DOCK1: variants seen among roughly 807,000 people sequenced by gnomAD.
DOCK1 encodes dedicator of cytokinesis protein 1.
A neutral mutation model predicts 262.7 loss-of-function variants in DOCK1; 138 were observed. The ratio of observed to expected loss-of-function variants is 0.53; its 90% CI spans 0.46 to 0.61. The LOEUF (loss-of-function observed/expected upper bound fraction) is 0.61, where lower values mean the gene tolerates loss of function less well. Among genes scored for constraint, DOCK1 ranks in the 20% least tolerant of loss-of-function variants. The pLI is 0.00. For synonymous variants in DOCK1, 866 were observed against 867.4 expected (o/e 1.00, Z 0.03); for missense variants, 1,908 against 2,370.7 (o/e 0.80, Z 4.05).
intron 18 of DOCK1, among the ~76,000 whole-genome samples, chr10:127,032,713 T>A (rs1378802768): frequency 6.6e-6 from 1 of 152,050 alleles, no homozygotes; most frequent in Non-Finnish European, 1.5e-5. Flanking sequence ...AGCATCACGC[T>A]TGGCTAATTT....
Position 127,137,073 on chromosome 10 carries a change from G to C in DOCK1, c.2847+9309G>C, listed in dbSNP as rs553638647. On this transcript the variant is annotated intron_variant, in intron 27 of 51. Coordinates refer to ENST00000623213, the MANE Select transcript of DOCK1 (RefSeq NM_001290223.2). ...TAAAAATGAGATCTAAGAAAACTTA[G>C]TGTCCAATAGCTCTGACCCTGTCTA... 7.2e-5 allele frequency: 11 copies of C among 152,732 alleles called. No homozygotes were observed. In the South Asian group the frequency reaches 2.3e-3, roughly 32 times the overall value. 9.5% of individuals were successfully genotyped at this position (152,732 alleles called of 1,614,324 possible).
chr10:127,361,977 A>T, intron 32 of DOCK1, 87 bp from the exon 33 acceptor site: 2 of 1,362,954 alleles, frequency 1.5e-6, no homozygotes, highest in Admixed American at 5.6e-5. Context: ...AGTCACAGTG[A>T]TCTGTGTTGT....
chr10:126,985,992 G>A (rs1026492845), intron 4 of DOCK1, among the ~76,000 whole-genome samples: 3 of 152,046 alleles, frequency 2.0e-5, no homozygotes, highest in African/African-American at 4.8e-5. Flanking sequence ...TTACAGGCCC[G>A]CACCACCATG....
intron 1 of DOCK1, among the ~76,000 whole-genome samples, chr10:126,963,628 C>CCCCTCCCCT (rs2037421441): frequency 1.6e-5 from 1 of 62,568 alleles, no homozygotes; most frequent in Non-Finnish European, 2.6e-5. Context: ...CCCTTCCCTT[C>CCCCTCCCCT]CCTTCCCTTC....
At chr10:126,908,229 G>A (rs1341806864) in intron 1 of DOCK1, among the ~76,000 whole-genome samples, 1 of 152,238 alleles carries the variant, frequency 6.6e-6, no homozygotes, top group Admixed American at 6.5e-5. Flanking sequence ...TTCTCACGAA[G>A]GATGCTGACT....
intron 10 of DOCK1, among the ~76,000 whole-genome samples, chr10:127,003,583 A>G (rs1443151651): frequency 6.6e-6 from 1 of 152,134 alleles, no homozygotes; most frequent in Non-Finnish European, 1.5e-5. Flanking sequence ...CCAAGCACTG[A>G]GCACTGAGCC....
intron 47 of DOCK1, among the ~76,000 whole-genome samples, chr10:127,426,295 C>A (rs2068811010): frequency 1.3e-5 from 2 of 152,182 alleles, no homozygotes; most frequent in South Asian, 4.1e-4. Flanking sequence ...CTTATTGTTG[C>A]AGAGCAATGG....
At chr10:126,929,788 C>T (rs2034046765) in intron 1 of DOCK1, among the ~76,000 whole-genome samples, 1 of 152,070 alleles carries the variant, frequency 6.6e-6, no homozygotes, top group South Asian at 2.1e-4. Context: ...GAATCAGTTG[C>T]ATGATTTAAA....
chr10:127,122,580 T>C (rs73378462), intron 25 of DOCK1, among the ~76,000 whole-genome samples: 10,272 of 151,964 alleles, frequency 0.068, 702 homozygotes, highest in African/African-American at 0.18. Context: ...GGCTGGGTCA[T>C]GAAGGCTGAG....
intron 30 of DOCK1, among the ~76,000 whole-genome samples, chr10:127,342,445 C>T (rs755185116): frequency 2.6e-5 from 4 of 152,282 alleles, no homozygotes; most frequent in South Asian, 2.1e-4. Flanking sequence ...GGGCTGGTCT[C>T]TAAATCTCAG....
chr10:127,396,977 A>G (rs1590880390), intron 38 of DOCK1, among the ~76,000 whole-genome samples: 1 of 105,922 alleles, frequency 9.4e-6, no homozygotes, highest in East Asian at 2.6e-4. Flanking sequence ...GTCTCCTGTG[A>G]TCTGAGCATC....
chr10:127,430,255 C>A (rs111549077), intron 47 of DOCK1, among the ~76,000 whole-genome samples: 4 of 152,340 alleles, frequency 2.6e-5, no homozygotes, highest in African/African-American at 4.8e-5. Flanking sequence ...CTCTCGCCCT[C>A]CCTCCACAGC....
At chr10:127,297,085 G>C (rs1014195099) in intron 29 of DOCK1, among the ~76,000 whole-genome samples, 1 of 152,208 alleles carries the variant, frequency 6.6e-6, no homozygotes, top group African/African-American at 2.4e-5. Flanking sequence ...GAGGAGGGGT[G>C]GGAGTGAGGG....
At chr10:127,172,887 A>G (rs1431385833) in intron 27 of DOCK1, among the ~76,000 whole-genome samples, 1 of 152,182 alleles carries the variant, frequency 6.6e-6, no homozygotes. Flanking sequence ...CCGTAGCTGC[A>G]CTGTCTTATG....
At chr10:127,018,628 C>A in intron 12 of DOCK1, 82 bp from the exon 13 acceptor site, 1 of 1,589,444 alleles carries the variant, frequency 6.3e-7, no homozygotes, top group South Asian at 1.1e-5. Context: ...AAAAGTCTCT[C>A]ATTCATTGAA....
At chr10:127,075,383 C>T (rs759500813) in intron 23 of DOCK1, among the ~76,000 whole-genome samples, 4 of 151,892 alleles carry the variant, frequency 2.6e-5, no homozygotes, top group African/African-American at 4.8e-5. Flanking sequence ...GTGACCCTTC[C>T]GCCTCAGCTT....
intron 50 of DOCK1, among the ~76,000 whole-genome samples, chr10:127,445,305 C>T (rs1001484337): frequency 1.3e-5 from 2 of 152,102 alleles, no homozygotes; most frequent in African/African-American, 4.8e-5. Context: ...TGCCCTGTGG[C>T]GAGGGCTGTG....
At chr10:127,429,030 G>A (rs1157611516) in intron 47 of DOCK1, among the ~76,000 whole-genome samples, 1 of 148,450 alleles carries the variant, frequency 6.7e-6, no homozygotes, top group Non-Finnish European at 1.5e-5. Flanking sequence ...GTGCCGTGTG[G>A]ATTGGGGTGT....
At position 127,089,714 on chromosome 10, in the gene DOCK1, G is replaced by A. The variant is rs906766183; in HGVS notation, c.2446-16517G>A. Among the ~76,000 whole-genome samples the A allele has an allele frequency of 1.3e-5, 2 of 152,294 alleles. 1 individual carries two copies. The highest frequency in any genetic ancestry group is 1.3e-4 in the Admixed American group (2 of 15,298). On this transcript the variant is annotated intron_variant, in intron 23 of 51. Transcript: ENST00000623213. ...GCGTGGAGATGGAGTGAGCCCTCGA[G>A]TCCTGGGTGGTGGATGCTCTTGTCT...
Sources: allele counts gnomAD v4.1 joint callset (sites outside exome capture counted in the v4.1 genomes callset), GRCh38; gene constraint gnomAD v4.1.1; transcripts MANE v1.5; gene names NCBI Gene and HGNC (gene_info 2026-07-23, HGNC 2026-07-21).